The following RPS6KA2 variants were observed in gnomAD, a reference collection of about 807,000 sequenced individuals.
The protein encoded by RPS6KA2 is ribosomal protein S6 kinase alpha-2.
In RPS6KA2, 42 loss-of-function variants were observed where a neutral mutation model predicts 91.8. That is an observed-to-expected ratio of 0.46 (90% CI 0.36 to 0.59). The LOEUF (loss-of-function observed/expected upper bound fraction) is 0.59. RPS6KA2 is among the 20% of genes least tolerant of loss of function. RPS6KA2 has a pLI of 0.00. For synonymous variants in RPS6KA2, 414 were observed against 393.6 expected, an observed-to-expected ratio of 1.05 and a Z score of -0.61; for missense variants, 798 against 978.5, an observed-to-expected ratio of 0.82 and a Z score of 2.46.
At position 166,496,311 on chromosome 6, in the gene RPS6KA2, C is replaced by T. The variant is rs143016513; in HGVS notation, c.747+2197G>A. On this transcript the variant is annotated intron_variant, in intron 8 of 20. Transcript: ENST00000265678. Reference sequence around the variant, plus strand: ...GTTGCAGTGAGCTGAGATTGCAACACTGCACTCCAGCCTGGTGACAGAATG... The same window carrying T: ...GTTGCAGTGAGCTGAGATTGCAACATTGCACTCCAGCCTGGTGACAGAATG... Among the ~76,000 whole-genome samples the T allele has an allele frequency of 4.5e-3, 686 of 151,264 alleles. 7 individuals are homozygous for T. The highest frequency in any genetic ancestry group is 0.016 in the African/African-American group (667 of 40,990).
chr6:166,622,226 C>A lies in RPS6KA2; in HGVS notation c.99+4695G>T, dbSNP rs6940779. Among the ~76,000 whole-genome samples the A allele has an allele frequency of 2.7e-3, 406 of 152,170 alleles. 3 individuals carry two copies. Among genetic ancestry groups the A allele is most frequent in the African/African-American group, 9.5e-3 (393 of 41,514 alleles). On this transcript the variant is annotated intron_variant, in intron 1 of 20. Transcript: ENST00000265678. The stretch of plus-strand genomic sequence containing the variant: ...CTTTTCACATCGTTTAAAAAAACAA[C>A]AACACTATTTCGGGGATTTTTCCTG...
chr6:166,847,297 A>T (rs553539419), intron 2 of RPS6KA2, among the ~76,000 whole-genome samples: 21 of 152,344 alleles, frequency 1.4e-4, no homozygotes, highest in African/African-American at 4.6e-4. Flanking sequence ...ATGTTCATGG[A>T]TAGGTAGAAT....
chr6:166,664,740 G>A (rs1308155327), intron 2 of RPS6KA2, among the ~76,000 whole-genome samples: 1 of 152,106 alleles, frequency 6.6e-6, no homozygotes, highest in East Asian at 1.9e-4. Context: ...AGAACCTACT[G>A]AGCAAGAAAA....
At chr6:166,850,370 T>G (rs1433245097) in intron 2 of RPS6KA2, among the ~76,000 whole-genome samples, 1 of 152,278 alleles carries the variant, frequency 6.6e-6, no homozygotes, top group Middle Eastern at 3.4e-3. Context: ...CTTACCAAAA[T>G]TATTTAAATT....
At position 166,603,145 on chromosome 6, in the gene RPS6KA2, G is replaced by T. The variant is rs1785810942; in HGVS notation, c.99+23776C>A. Among the ~76,000 whole-genome samples, 1 of 152,210 alleles carries T rather than the reference G, an allele frequency of 6.6e-6. No individual in the cohort carries two copies. The highest frequency in any genetic ancestry group is 2.1e-4 in the South Asian group (1 of 4,836). ...TCTGACATGAGCTTAGTCTAAAAGG[G>T]ATCTGGGCGGGATATCAAGAACCAA... On this transcript the variant is annotated intron_variant, in intron 1 of 20. Transcript: ENST00000265678. The surrounding 1 kb of genome is among the most constrained non-coding windows in gnomAD (Gnocchi z 4.3).
intron 2 of RPS6KA2, among the ~76,000 whole-genome samples, chr6:166,718,398 C>T (rs1409851116): frequency 6.6e-6 from 1 of 152,162 alleles, no homozygotes; most frequent in African/African-American, 2.4e-5. Context: ...CACCCCTAAA[C>T]TAATCCATCA....
intron 16 of RPS6KA2, among the ~76,000 whole-genome samples, chr6:166,427,070 G>A (rs200325863): frequency 0.054 from 4,615 of 84,696 alleles, no homozygotes; most frequent in South Asian, 0.059. Flanking sequence ...CTGGCAAACC[G>A]AATCCAGCAG....
At chr6:166,432,537 T>C (rs1366834308) in intron 14 of RPS6KA2, 47 bp from the exon 15 acceptor site, 11 of 1,198,318 alleles carry the variant, frequency 9.2e-6, no homozygotes, top group Non-Finnish European at 1.4e-5. Flanking sequence ...CTTTAGGCTT[T>C]CGGGTGGTAT....
chr6:166,638,240 G>A (rs567278803), intron 2 of RPS6KA2, among the ~76,000 whole-genome samples: 2 of 152,350 alleles, frequency 1.3e-5, no homozygotes, highest in South Asian at 2.1e-4. Flanking sequence ...ATCACTGTGC[G>A]CAAAATCCAC....
chr6:166,772,554 G>A (rs191701443), intron 2 of RPS6KA2, among the ~76,000 whole-genome samples: 53 of 152,332 alleles, frequency 3.5e-4, no homozygotes, highest in African/African-American at 1.1e-3. Context: ...AAAAGATGGT[G>A]AGACCCGGTG....
intron 2 of RPS6KA2, among the ~76,000 whole-genome samples, chr6:166,672,623 T>C (rs958206576): frequency 6.6e-6 from 1 of 152,214 alleles, no homozygotes; most frequent in Admixed American, 6.5e-5. Context: ...AAAAAATGCT[T>C]ACTCCTCTAC....
At chr6:166,550,443 T>TA (rs11307998) in intron 1 of RPS6KA2, among the ~76,000 whole-genome samples, 1,609 of 151,724 alleles carry the variant, frequency 0.011, 24 homozygotes, top group African/African-American at 0.033. Context: ...TATTAATTGG[T>TA]AAAAAAAAAG....
chr6:166,572,400 T>C (rs1284133803), intron 1 of RPS6KA2, among the ~76,000 whole-genome samples: 15 of 152,210 alleles, frequency 9.9e-5, no homozygotes, highest in African/African-American at 2.4e-5. Context: ...TAAACAGATA[T>C]TGGTTTAGGA....
chr6:166,668,818 C>T (rs1327107161), intron 2 of RPS6KA2, among the ~76,000 whole-genome samples: 1 of 149,572 alleles, frequency 6.7e-6, no homozygotes, highest in East Asian at 2.0e-4. Flanking sequence ...TTCCTTCCCT[C>T]CATCCCTCCC....
chr6:166,624,997 C>T (rs1185646673), intron 1 of RPS6KA2, among the ~76,000 whole-genome samples: 1 of 152,098 alleles, frequency 6.6e-6, no homozygotes, highest in African/African-American at 2.4e-5. Context: ...CCATGCCCAG[C>T]TAATTTTTGT....
chr6:166,747,860 C>A lies in RPS6KA2; in HGVS notation c.123+110340G>T, dbSNP rs767629202. On this transcript the variant is annotated intron_variant, in intron 2 of 21. Transcript: ENST00000503859. ...AGGAGACAGGATGGCACAGGGGCCT[C>A]CTCCTGAAGCTCTTACAGCAGATTC... 4.5e-4 allele frequency among the ~76,000 whole-genome samples: 68 copies of A among 152,198 alleles called. 3 individuals carry two copies. The highest frequency in any genetic ancestry group is 1.8e-4 in the Non-Finnish European group (12 of 68,036).
chr6:166,694,685 C>T (rs1401692474), intron 2 of RPS6KA2, among the ~76,000 whole-genome samples: 1 of 152,196 alleles, frequency 6.6e-6, no homozygotes, highest in Non-Finnish European at 1.5e-5. Context: ...AAATATCACT[C>T]GCATTCTGCT....
chr6:166,679,045 C>T (rs1788702550), intron 2 of RPS6KA2, among the ~76,000 whole-genome samples: 1 of 152,126 alleles, frequency 6.6e-6, no homozygotes, highest in South Asian at 2.1e-4. Flanking sequence ...GTTACAAAAC[C>T]TGGTTGACCA....
chr6:166,412,739 C>T lies in RPS6KA2; in HGVS notation c.*23G>A, dbSNP rs762246396. 8.3e-6 allele frequency: 13 copies of T among 1,569,058 alleles called. No homozygotes were observed. The highest frequency in any genetic ancestry group is 5.4e-5 in the Admixed American group (3 of 55,674). On this transcript the variant is annotated 3_prime_UTR_variant, in exon 21 of 21. Transcript: ENST00000265678. The surrounding 1 kb of genome is among the most constrained non-coding windows in gnomAD (Gnocchi z 4.3). ...AGCCCACGAGGATGCTGGCAGGGGA[C>T]GCTGGGGCCAGGGTCCCACCCGCTA... is the stretch of plus-strand genomic sequence containing the variant.
Sources: gnomAD v4.1 joint callset for allele counts (sites outside exome capture counted in the v4.1 genomes callset) on GRCh38, gnomAD v4.1.1 for gene constraint, Gnocchi (gnomAD v3.1) non-coding constraint, MANE v1.5 for transcripts, NCBI Gene and HGNC (gene_info 2026-07-23, HGNC 2026-07-21) for gene names.